Variants in FOXK2 observed in about 807,000 individuals in gnomAD.
FOXK2 encodes forkhead box K2.
FOXK2 carries 24 observed loss-of-function variants against 53.3 expected under a neutral mutation model. That is an observed-to-expected ratio of 0.45 (90% CI 0.33 to 0.63). The LOEUF (loss-of-function observed/expected upper bound fraction) is 0.63, where lower values mean the gene tolerates loss of function less well. FOXK2 is among the 30% of genes least tolerant of loss of function. FOXK2 has a pLI of 0.03. For synonymous variants in FOXK2, 505 were observed against 407.1 expected, an observed-to-expected ratio of 1.24 and a Z score of -2.89; for missense variants, 952 against 910.5, an observed-to-expected ratio of 1.05 and a Z score of -0.59.
chr17:82,581,600 C>A (rs545341025), intron 4 of FOXK2, among the ~76,000 whole-genome samples: 5 of 152,038 alleles, frequency 3.3e-5, no homozygotes, highest in African/African-American at 1.2e-4. Flanking sequence ...CTCAGCCTCC[C>A]GAGCAACTGG....
chr17:82,563,637 T>C (rs1598213944), intron 2 of FOXK2, 89 bp downstream of exon 2: 6 of 1,180,574 alleles, frequency 5.1e-6, no homozygotes, highest in Middle Eastern at 2.6e-4. Context: ...TGCTGACTTA[T>C]GTGGAGAGAG....
rs1203564274 is a variant in FOXK2, at chr17:82,602,758, C to T, written c.*1259C>T. On this transcript the variant is annotated 3_prime_UTR_variant, in exon 9 of 9. Coordinates refer to ENST00000335255, the MANE Select transcript of FOXK2 (RefSeq NM_004514.4). ...AGAGTGGGAGGTCCCTGCACCTCCT[C>T]GCCCGGCTCCTCAGGAAGAAAACCG... 1 of 152,286 alleles carries T rather than the reference C, an allele frequency of 6.6e-6. No individual in the cohort carries two copies. The highest frequency in any genetic ancestry group is 1.5e-5 in the Non-Finnish European group (1 of 68,062). 9.4% of individuals were successfully genotyped at this position (152,286 alleles called of 1,614,324 possible).
chr17:82,546,113 G>GTTT lies in FOXK2; in HGVS notation c.420-17241_420-17240insTTT, dbSNP rs1282305641. Among the ~76,000 whole-genome samples, 47 of 97,962 alleles carry GTTT rather than the reference G, an allele frequency of 4.8e-4. 1 individual carries two copies. In the East Asian group the frequency reaches 5.1e-3, roughly 11 times the overall value. The allele number at this position is 97,962 out of a possible 152,430, so 64.3% of individuals were successfully genotyped here. A position where few individuals can be genotyped will look rare whatever the true frequency, so the allele number is the denominator to read the frequency against. On this transcript the variant is annotated intron_variant, in intron 1 of 8. Transcript: ENST00000335255. ...TGCTTACTTGCTACCAAGCATGGTTGGTTTTTTTTTTTTTTTTTTTTGAGA... is the reference window on the plus strand; with the variant it reads ...TGCTTACTTGCTACCAAGCATGGTTGTTTGTTTTTTTTTTTTTTTTTTTTGAGA...
intron 1 of FOXK2, among the ~76,000 whole-genome samples, chr17:82,540,279 C>CA (rs77390515): frequency 0.27 from 35,804 of 133,426 alleles, 4,735 homozygotes; most frequent in Non-Finnish European, 0.33. Context: ...GAAACTGTCT[C>CA]AAAAAAAAAA....
intron 3 of FOXK2, among the ~76,000 whole-genome samples, chr17:82,568,775 C>T (rs1244618035): frequency 1.3e-5 from 2 of 152,214 alleles, no homozygotes; most frequent in Admixed American, 6.5e-5. Context: ...TTTGGGAGGC[C>T]AAGGCGGGGG....
rs2045423460 is a variant in FOXK2 at position 82,604,406 on chromosome 17, C to T, written c.*2907C>T. 6.6e-6 allele frequency: 1 copy of T among 152,316 alleles called. No individual in the cohort carries two copies. Among genetic ancestry groups the T allele is most frequent in the African/African-American group, 2.4e-5 (1 of 41,290 alleles). 9.4% of individuals were successfully genotyped at this position (152,316 alleles called of 1,614,324 possible). A position where few individuals can be genotyped will look rare whatever the true frequency, so the allele number is the denominator to read the frequency against. Reference sequence around the variant, plus strand: ...CTAGAATAACAGAGTAGTTGGTAGTCATGGCCAGAAGGGGGGTGGGGGCAG... The same window carrying T: ...CTAGAATAACAGAGTAGTTGGTAGTTATGGCCAGAAGGGGGGTGGGGGCAG... On this transcript the variant is annotated 3_prime_UTR_variant, in exon 9 of 9. Coordinates refer to ENST00000335255, the MANE Select transcript of FOXK2 (RefSeq NM_004514.4).
At chr17:82,569,612 TTA>T (rs1290935880) in intron 3 of FOXK2, among the ~76,000 whole-genome samples, 1 of 152,236 alleles carries the variant, frequency 6.6e-6, no homozygotes, top group Non-Finnish European at 1.5e-5. Context: ...TCTGTCTGTT[TTA>T]TATGTTTTTC....
intron 1 of FOXK2, among the ~76,000 whole-genome samples, chr17:82,543,825 G>A (rs1371822796): frequency 2.0e-5 from 3 of 146,416 alleles, no homozygotes; most frequent in African/African-American, 5.1e-5. Flanking sequence ...CACCCAGGCT[G>A]GAGTGCAGTG....
chr17:82,524,908 G>A (rs2044401899), intron 1 of FOXK2, among the ~76,000 whole-genome samples: 1 of 151,984 alleles, frequency 6.6e-6, no homozygotes, highest in African/African-American at 2.4e-5. Context: ...TGTGAGGTCT[G>A]CCTGGGTCTG....
intron 6 of FOXK2, chr17:82,585,313 CTTCT>C (rs2045121208): frequency 1.1e-5 from 1 of 93,542 alleles, no homozygotes; most frequent in South Asian, 4.2e-4. Context: ...GGGGCAGTTT[CTTCT>C]TTTTTTTTTT....
intron 6 of FOXK2, 92 bp from the exon 7 acceptor site, chr17:82,585,812 G>A: frequency 3.1e-6 from 4 of 1,299,874 alleles, no homozygotes; most frequent in Non-Finnish European, 4.3e-6. Context: ...TTAAATTAAA[G>A]TTTGTATGTT....
chr17:82,538,037 A>C (rs1211050728), intron 1 of FOXK2, among the ~76,000 whole-genome samples: 4 of 152,150 alleles, frequency 2.6e-5, no homozygotes, highest in Non-Finnish European at 5.9e-5. Context: ...TAGCTTGGCC[A>C]ACATGGTGAA....
chr17:82,569,274 C>T lies in FOXK2; in HGVS notation c.762+1073C>T, dbSNP rs533034575. Among the ~76,000 whole-genome samples the T allele has an allele frequency of 3.0e-3, 450 of 152,344 alleles. 1 individual carries two copies. The highest frequency in any genetic ancestry group is 0.01 in the African/African-American group (424 of 41,576). On this transcript the variant is annotated intron_variant, in intron 3 of 8. Transcript: ENST00000335255. ...GCCACAGCTGTGCATCCCCCACCTG[C>T]GGCCGACTACGGCGTCTAACACAGG...
At chr17:82,597,325 C>T (rs1330224618) in intron 8 of FOXK2, among the ~76,000 whole-genome samples, 2 of 152,224 alleles carry the variant, frequency 1.3e-5, no homozygotes, top group Non-Finnish European at 2.9e-5. Context: ...GGAGCATGTG[C>T]CCAACTCGTG....
At chr17:82,525,191 A>G (rs901941743) in intron 1 of FOXK2, among the ~76,000 whole-genome samples, 6 of 151,508 alleles carry the variant, frequency 4.0e-5, no homozygotes, top group Non-Finnish European at 8.8e-5. Context: ...ATTTTTTGAG[A>G]TGGAATCTTG....
At chr17:82,588,235 G>C (rs9897171) in intron 8 of FOXK2, 2 of 152,202 alleles carry the variant, frequency 1.3e-5, no homozygotes, top group Non-Finnish European at 2.9e-5. Flanking sequence ...ATAGATCGCA[G>C]AGTTTGCAGT....
intron 1 of FOXK2, among the ~76,000 whole-genome samples, chr17:82,539,180 A>G (rs1376022721): frequency 6.9e-6 from 1 of 145,032 alleles, no homozygotes; most frequent in Non-Finnish European, 1.5e-5. Flanking sequence ...TCAGCACTGT[A>G]AGGTGGCCGG....
chr17:82,557,135 C>T (rs1308399630), intron 1 of FOXK2, among the ~76,000 whole-genome samples: 2 of 151,408 alleles, frequency 1.3e-5, no homozygotes, highest in Non-Finnish European at 2.9e-5. Flanking sequence ...CAGGCTCAAG[C>T]AATTCTCCTG....
chr17:82,582,642 C>G, intron 4 of FOXK2, 99 bp from the exon 5 acceptor site: 1 of 958,298 alleles, frequency 1.0e-6, no homozygotes, highest in South Asian at 1.8e-5. Flanking sequence ...CCAGGCCCAA[C>G]ATGTAGGTTT....
Sources: allele counts gnomAD v4.1 joint callset (sites outside exome capture counted in the v4.1 genomes callset), GRCh38; gene constraint gnomAD v4.1.1; transcripts MANE v1.5; gene names NCBI Gene and HGNC (gene_info 2026-07-23, HGNC 2026-07-21).